The following CDC42BPA variants were observed in gnomAD, a reference collection of about 807,000 sequenced individuals.
CDC42BPA encodes serine/threonine-protein kinase MRCK alpha.
A neutral mutation model predicts 223.5 loss-of-function variants in CDC42BPA; 80 were observed. The ratio of observed to expected loss-of-function variants is 0.36; its 90% CI spans 0.30 to 0.43. The LOEUF is 0.43. Among genes scored for constraint, CDC42BPA ranks in the 20% least tolerant of loss-of-function variants. CDC42BPA has a pLI of 1.00. For missense variants in CDC42BPA, 1,743 were observed against 2,099.9 expected (o/e 0.83, Z 3.32); for synonymous variants, 694 against 718.6 (o/e 0.97, Z 0.55).
intron 2 of CDC42BPA, among the ~76,000 whole-genome samples, chr1:227,236,509 A>T (rs920640710): frequency 6.6e-6 from 1 of 151,358 alleles, no homozygotes; most frequent in Middle Eastern, 3.2e-3. Context: ...TATATATTTT[A>T]AAAATAATTT....
At chr1:227,044,157 T>A (rs1207938827) in intron 23 of CDC42BPA, among the ~76,000 whole-genome samples, 1 of 152,240 alleles carries the variant, frequency 6.6e-6, no homozygotes, top group Non-Finnish European at 1.5e-5. Flanking sequence ...TTCTGGGAAT[T>A]ATTTATATCA....
chr1:227,179,748 G>T (rs572567262), intron 5 of CDC42BPA, among the ~76,000 whole-genome samples: 2 of 141,138 alleles, frequency 1.4e-5, no homozygotes, highest in African/African-American at 5.3e-5. Context: ...ATACAAAAAG[G>T]TAGACATCTT....
intron 3 of CDC42BPA, among the ~76,000 whole-genome samples, chr1:227,202,027 A>C (rs1671859749): frequency 6.6e-6 from 1 of 152,224 alleles, no homozygotes; most frequent in African/African-American, 2.4e-5. Flanking sequence ...TCTGTCGCCC[A>C]GGCTGGAGTG....
chr1:227,056,564 A>T (rs776900322), intron 21 of CDC42BPA, among the ~76,000 whole-genome samples: 4 of 151,898 alleles, frequency 2.6e-5, no homozygotes, highest in African/African-American at 9.7e-5. Context: ...ATTTTTAAAA[A>T]ATTTTTTTGT....
intron 1 of CDC42BPA, among the ~76,000 whole-genome samples, chr1:227,254,798 G>A (rs1462017158): frequency 6.6e-6 from 1 of 152,200 alleles, no homozygotes; most frequent in Admixed American, 6.5e-5. Context: ...CACTAATTAT[G>A]TGGATACTAA....
chr1:227,145,772 A>G (rs558964079), intron 7 of CDC42BPA, 35 bp from the exon 8 acceptor site: 4 of 1,555,250 alleles, frequency 2.6e-6, no homozygotes, highest in African/African-American at 1.4e-5. Flanking sequence ...AATATAAATC[A>G]GTGTTTAACA....
intron 35 of CDC42BPA, 136 bp downstream of exon 35, chr1:227,004,858 G>C (rs1663659233): frequency 1.2e-5 from 9 of 779,828 alleles, no homozygotes; most frequent in Non-Finnish European, 1.9e-5. Flanking sequence ...TTACCCAGCA[G>C]GGTCTGAGAC....
At chr1:227,109,916 C>A (rs1572866278) in intron 14 of CDC42BPA, among the ~76,000 whole-genome samples, 1 of 151,708 alleles carries the variant, frequency 6.6e-6, no homozygotes, top group Admixed American at 6.6e-5. Flanking sequence ...ACTTACAATA[C>A]CTAATGTGAT....
At chr1:227,087,603 T>C (rs993923205) in intron 16 of CDC42BPA, among the ~76,000 whole-genome samples, 9 of 152,180 alleles carry the variant, frequency 5.9e-5, no homozygotes, top group Admixed American at 1.3e-4. Context: ...CCAAAACCTA[T>C]AGATCAATTT....
intron 15 of CDC42BPA, among the ~76,000 whole-genome samples, chr1:227,099,400 G>A (rs1239670528): frequency 1.3e-5 from 2 of 151,572 alleles, no homozygotes; most frequent in African/African-American, 2.4e-5. Context: ...TTCCAGTCCT[G>A]TAAGCTTCAT....
In CDC42BPA at chr1:227,129,196, T is replaced by C. The variant is rs985274764; in HGVS notation, c.1426A>G (p.Thr476Ala). 4 of 1,598,406 alleles carry C rather than the reference T, an allele frequency of 2.5e-6. No individual in the cohort carries two copies. The African/African-American group carries it at 4.0e-5, about 16-fold the overall frequency. ...CTTGCTGTTAGTGGACCATCAACAG[T>C]TGAATACTGCAGAGCTTGGACAGTC... ...TQTVQALQYS[T>A]VDGPLTASKD... Residue 476 changes from threonine (T) to alanine (A), a missense_variant, in exon 11 of 37, where the codon ACT (threonine) becomes GCT (alanine). Coordinates refer to ENST00000366766, the MANE Select transcript of CDC42BPA (RefSeq NM_001394014.1).
intron 26 of CDC42BPA, 32 bp from the exon 27 acceptor site, chr1:227,033,447 A>C (rs769268330): frequency 6.9e-7 from 1 of 1,445,752 alleles, no homozygotes; most frequent in Admixed American, 1.7e-5. Context: ...AAAAGTTACT[A>C]TATGTGGCTA....
At chr1:227,179,121 T>G (rs991407966) in intron 5 of CDC42BPA, among the ~76,000 whole-genome samples, 5 of 152,150 alleles carry the variant, frequency 3.3e-5, no homozygotes, top group African/African-American at 1.2e-4. Context: ...ATGTCTGGAA[T>G]AGGCAAATCT....
intron 23 of CDC42BPA, among the ~76,000 whole-genome samples, chr1:227,042,299 T>TATATATATATATAC (rs1558356391): frequency 3.6e-4 from 2 of 5,536 alleles, no homozygotes; most frequent in Non-Finnish European, 7.6e-4. Flanking sequence ...ACATATATGA[T>TATATATATATATAC]ATATATATAT....
At chr1:227,265,651 C>T (rs1445447510) in intron 1 of CDC42BPA, among the ~76,000 whole-genome samples, 1 of 150,912 alleles carries the variant, frequency 6.6e-6, no homozygotes, top group East Asian at 1.9e-4. Context: ...AAAAAAGATT[C>T]AAAAATTATT....
chr1:227,031,378 T>A lies in CDC42BPA; in HGVS notation c.3695A>T (p.Asp1232Val). The A allele has an allele frequency of 6.2e-7, 1 of 1,614,096 alleles. No homozygotes were observed. The highest frequency in any genetic ancestry group is 8.5e-7 in the Non-Finnish European group (1 of 1,180,004). ...CTCTTTGGGAACATAGACTGAGCGG[T>A]CTCTGAATTTGTTTTTCTTCAAAAT... The part of the protein sequence containing the change: ...HKILKKNKFR[D>V]RSVYVPKEAY... Residue 1232 changes from aspartate (D) to valine (V), a missense_variant, in exon 28 of 37, where the codon GAC becomes GTC. Coordinates refer to ENST00000366766, the MANE Select transcript of CDC42BPA (RefSeq NM_001394014.1).
intron 2 of CDC42BPA, among the ~76,000 whole-genome samples, chr1:227,227,275 C>T (rs1459670277): frequency 1.3e-5 from 2 of 151,986 alleles, no homozygotes; most frequent in Non-Finnish European, 2.9e-5. Flanking sequence ...TAGTAAGGAA[C>T]GTAAGAAACA....
intron 14 of CDC42BPA, among the ~76,000 whole-genome samples, chr1:227,106,338 ATTG>A (rs1471536409): frequency 6.6e-6 from 1 of 152,196 alleles, no homozygotes; most frequent in Non-Finnish European, 1.5e-5. Context: ...TGGATATTAA[ATTG>A]TTATCACATA....
intron 32 of CDC42BPA, among the ~76,000 whole-genome samples, chr1:227,021,504 C>T (rs942276954): frequency 2.0e-5 from 3 of 152,250 alleles, no homozygotes; most frequent in Admixed American, 6.5e-5. Flanking sequence ...CCAGCCTGTT[C>T]ACCAAGAAAC....
Sources: allele counts gnomAD v4.1 joint callset (sites outside exome capture counted in the v4.1 genomes callset), GRCh38; gene constraint gnomAD v4.1.1; transcripts MANE v1.5; gene names NCBI Gene and HGNC (gene_info 2026-07-23, HGNC 2026-07-21).